The following SLC17A6 variants were observed in gnomAD, a reference collection of about 807,000 sequenced individuals.
SLC17A6 encodes solute carrier family 17 member 6.
SLC17A6 carries 35 observed loss-of-function variants against 67.1 expected under a neutral mutation model. The ratio of observed to expected loss-of-function variants is 0.52; its 90% CI spans 0.40 to 0.69. The LOEUF (loss-of-function observed/expected upper bound fraction) is 0.69. Ranked by LOEUF, SLC17A6 falls within the 30% of genes least tolerant of loss-of-function variation. The pLI is 0.00. For synonymous variants in SLC17A6, 285 were observed against 252.3 expected, an observed-to-expected ratio of 1.13 and a Z score of -1.23; for missense variants, 588 against 723.9, an observed-to-expected ratio of 0.81 and a Z score of 2.15.
intron 2 of SLC17A6, among the ~76,000 whole-genome samples, chr11:22,342,362 C>T (rs910681420): frequency 6.6e-6 from 1 of 152,088 alleles, no homozygotes; most frequent in Non-Finnish European, 1.5e-5. Context: ...GTCCAGACTT[C>T]CTTCTTAGAA....
intron 3 of SLC17A6, among the ~76,000 whole-genome samples, chr11:22,347,504 G>A (rs964706719): frequency 5.6e-5 from 3 of 53,376 alleles, no homozygotes; most frequent in Non-Finnish European, 1.1e-4. Flanking sequence ...CTTAACTTTC[G>A]GGAAAAAAAA....
At chr11:22,376,402 T>TC in intron 10 of SLC17A6, 143 bp from the exon 11 acceptor site, 2 of 855,702 alleles carry the variant, frequency 2.3e-6, no homozygotes. Flanking sequence ...TCTCATTATA[T>TC]CCCCGAGAGA....
At chr11:22,365,382 C>T (rs796195789) in intron 6 of SLC17A6, among the ~76,000 whole-genome samples, 165 bp from the exon 7 acceptor site, 11 of 152,244 alleles carry the variant, frequency 7.2e-5, no homozygotes, top group African/African-American at 2.6e-4. Context: ...AAGTTTGAAG[C>T]TTAATGGCAA....
chr11:22,363,449 C>A (rs138290163), intron 6 of SLC17A6, among the ~76,000 whole-genome samples: 519 of 152,230 alleles, frequency 3.4e-3, no homozygotes, highest in Middle Eastern at 6.8e-3. Flanking sequence ...GTCTTTCTTT[C>A]TAAGAGGCAC....
chr11:22,375,645 T>C (rs1856224980), intron 9 of SLC17A6, among the ~76,000 whole-genome samples: 1 of 151,856 alleles, frequency 6.6e-6, no homozygotes, highest in Non-Finnish European at 1.5e-5. Flanking sequence ...CACACCCAGC[T>C]AATTTTGTAT....
At chr11:22,351,860 A>C (rs897573449) in intron 3 of SLC17A6, among the ~76,000 whole-genome samples, 3 of 152,160 alleles carry the variant, frequency 2.0e-5, no homozygotes, top group African/African-American at 7.2e-5. Flanking sequence ...ATAAGTGTCA[A>C]AGTTAAGAGT....
chr11:22,370,706 A>G lies in SLC17A6; in HGVS notation c.1041+518A>G, dbSNP rs916822322. Among the ~76,000 whole-genome samples, 57 of 152,150 alleles carry G rather than the reference A, an allele frequency of 3.7e-4. 1 individual carries two copies. Among genetic ancestry groups the G allele is most frequent in the African/African-American group, 1.3e-3 (54 of 41,436 alleles). Reference sequence around the variant, plus strand: ...TTAATTTAACAAGTATTTGTTGAACACAATGTGCAGAACTTTATGTGAGAT... The same window carrying G: ...TTAATTTAACAAGTATTTGTTGAACGCAATGTGCAGAACTTTATGTGAGAT... On this transcript the variant is annotated intron_variant, in intron 8 of 11. Coordinates refer to ENST00000263160, the MANE Select transcript of SLC17A6 (RefSeq NM_020346.3).
intron 8 of SLC17A6, among the ~76,000 whole-genome samples, chr11:22,371,071 C>A: frequency 6.6e-6 from 1 of 152,054 alleles, no homozygotes; most frequent in East Asian, 1.9e-4. Context: ...GCTAGTAATG[C>A]ACGACAAAAT....
At chr11:22,339,964 T>C (rs1855795728) in intron 1 of SLC17A6, among the ~76,000 whole-genome samples, 1 of 152,056 alleles carries the variant, frequency 6.6e-6, no homozygotes, top group South Asian at 2.1e-4. Context: ...TAAATTGCAA[T>C]GTTTTCTAAC....
chr11:22,353,705 G>C (rs80190045), intron 3 of SLC17A6, among the ~76,000 whole-genome samples: 2 of 152,080 alleles, frequency 1.3e-5, no homozygotes, highest in Admixed American at 6.5e-5. Flanking sequence ...TTTTTTAAAG[G>C]ACATCTTCCA....
chr11:22,349,311 C>A (rs914702465), intron 3 of SLC17A6, among the ~76,000 whole-genome samples: 1 of 152,170 alleles, frequency 6.6e-6, no homozygotes, highest in African/African-American at 2.4e-5. Context: ...CTTTTTCTAT[C>A]TCGTGCATCT....
At chr11:22,350,756 A>G (rs374571750) in intron 3 of SLC17A6, among the ~76,000 whole-genome samples, 1 of 152,294 alleles carries the variant, frequency 6.6e-6, no homozygotes, top group East Asian at 1.9e-4. Flanking sequence ...GCCAATTATA[A>G]GGAGAAAGAT....
At chr11:22,363,119 A>T (rs1442030408) in intron 6 of SLC17A6, among the ~76,000 whole-genome samples, 1 of 152,150 alleles carries the variant, frequency 6.6e-6, no homozygotes, top group Non-Finnish European at 1.5e-5. Flanking sequence ...GCTCTTGATT[A>T]AAAGCTGATG....
At chr11:22,371,955 A>G (rs1348326384) in intron 8 of SLC17A6, among the ~76,000 whole-genome samples, 3 of 152,064 alleles carry the variant, frequency 2.0e-5, no homozygotes, top group Non-Finnish European at 2.9e-5. Flanking sequence ...AAGTATTGGT[A>G]TATAATCTTG....
Position 22,376,028 on chromosome 11 carries a change from T to C in SLC17A6, c.1221T>C (p.His407=), listed in dbSNP as rs202178535. ...ATLLLVVGYS[H]TRGVAISFLV... ...TGCTCCTGGTCGTTGGCTATTCTCA[T>C]ACTAGAGGGGTAGCAATCTCATTCT... Residue 407 remains histidine, a synonymous_variant, in exon 10 of 12, where the codon CAT becomes CAC. Coordinates refer to ENST00000263160, the MANE Select transcript of SLC17A6 (RefSeq NM_020346.3). 11 of 1,612,442 alleles carry C rather than the reference T, an allele frequency of 6.8e-6. No homozygotes were observed. The highest frequency in any genetic ancestry group is 9.3e-6 in the Non-Finnish European group (11 of 1,179,088).
chr11:22,368,643 C>A (rs2133874859), intron 7 of SLC17A6, among the ~76,000 whole-genome samples: 1 of 152,028 alleles, frequency 6.6e-6, no homozygotes, highest in East Asian at 1.9e-4. Flanking sequence ...GGGAAAAGTT[C>A]TTTTACTTTT....
In SLC17A6 at chr11:22,342,316, G is replaced by A. The variant is rs549980463; in HGVS notation, c.339+536G>A. 2.8e-3 allele frequency among the ~76,000 whole-genome samples: 429 copies of A among 152,214 alleles called. 3 individuals carry two copies. Among genetic ancestry groups the A allele is most frequent in the African/African-American group, 9.7e-3 (404 of 41,536 alleles). On this transcript the variant is annotated intron_variant, in intron 2 of 11. Transcript: ENST00000263160. ...AGGGTGGCAGGGAGTCGCGCCCAGAGAGGGGAGGGTCACGTCAAGGTCACA... is the reference window on the plus strand; with the variant it reads ...AGGGTGGCAGGGAGTCGCGCCCAGAAAGGGGAGGGTCACGTCAAGGTCACA...
intron 3 of SLC17A6, 24 bp downstream of exon 3, chr11:22,343,389 G>A (rs1167907167): frequency 6.3e-7 from 1 of 1,581,024 alleles, no homozygotes; most frequent in South Asian, 1.1e-5. Flanking sequence ...CGGGACTGGG[G>A]CTCGGGGCGT....
At chr11:22,346,651 AT>A (rs56656178) in intron 3 of SLC17A6, among the ~76,000 whole-genome samples, 31,989 of 151,768 alleles carry the variant, frequency 0.21, 3,543 homozygotes, top group Middle Eastern at 0.24. Context: ...TAATAAAAAA[AT>A]GTGGGGGGCA....
Sources: gnomAD v4.1 joint callset for allele counts (sites outside exome capture counted in the v4.1 genomes callset) on GRCh38, gnomAD v4.1.1 for gene constraint, MANE v1.5 for transcripts, NCBI Gene and HGNC (gene_info 2026-07-23, HGNC 2026-07-21) for gene names.